SLC35D4: variants seen among roughly 807,000 people sequenced by gnomAD.
The protein encoded by SLC35D4 is solute carrier family 35 member D4, also known as UDP-N-acetylglucosamine transporter SLC35D4.
chr18:23,379,965 C>T, the SLC35D4 span, among the ~76,000 whole-genome samples: 57 of 152,090 alleles, frequency 3.7e-4, no homozygotes, highest in Non-Finnish European at 6.9e-4. Context: ...GGTGTGGTGG[C>T]GCACACCTGT....
the SLC35D4 span, among the ~76,000 whole-genome samples, chr18:23,312,513 C>T: frequency 1.3e-5 from 2 of 152,220 alleles, no homozygotes; most frequent in Non-Finnish European, 2.9e-5. Flanking sequence ...TGTGCTGCTG[C>T]CTGAGACCCT....
At chr18:23,247,827 A>G in the SLC35D4 span, among the ~76,000 whole-genome samples, 1 of 152,228 alleles carries the variant, frequency 6.6e-6, no homozygotes, top group African/African-American at 2.4e-5. Flanking sequence ...TGTCACCTAG[A>G]AGATGACTGG....
At chr18:23,403,237 C>T in the SLC35D4 span, among the ~76,000 whole-genome samples, 1 of 152,198 alleles carries the variant, frequency 6.6e-6, no homozygotes, top group South Asian at 2.1e-4. Flanking sequence ...CCCTCAAATA[C>T]ACTGTGTCAC....
At chr18:23,383,633 A>G in the SLC35D4 span, among the ~76,000 whole-genome samples, 1 of 152,014 alleles carries the variant, frequency 6.6e-6, no homozygotes, top group Admixed American at 6.6e-5. Flanking sequence ...GCAGAGTGGG[A>G]GGTGCACGGG....
the SLC35D4 span, among the ~76,000 whole-genome samples, chr18:23,340,357 A>C: frequency 2.0e-5 from 3 of 151,994 alleles, no homozygotes; most frequent in African/African-American, 7.3e-5. Context: ...AATCAAGTAT[A>C]TCTTAAAACC....
At chr18:23,302,816 G>A in the SLC35D4 span, among the ~76,000 whole-genome samples, 2 of 152,192 alleles carry the variant, frequency 1.3e-5, no homozygotes, top group East Asian at 3.9e-4. Context: ...ACACGCCAAC[G>A]TGAAGAGGCA....
At chr18:23,250,254 C>G in the SLC35D4 span, among the ~76,000 whole-genome samples, 1 of 152,202 alleles carries the variant, frequency 6.6e-6, no homozygotes, top group African/African-American at 2.4e-5. Flanking sequence ...TTACTTGAGC[C>G]TGCTCACATC....
the SLC35D4 span, among the ~76,000 whole-genome samples, chr18:23,354,718 G>C: frequency 6.6e-5 from 10 of 152,262 alleles, 1 homozygote; most frequent in South Asian, 2.1e-3. Context: ...TCTAGCCACA[G>C]GGGTGGCATG....
the SLC35D4 span, among the ~76,000 whole-genome samples, chr18:23,386,192 G>A: frequency 6.6e-6 from 1 of 151,626 alleles, no homozygotes; most frequent in Non-Finnish European, 1.5e-5. Flanking sequence ...TCCAATCCCT[G>A]GAACCTGTAA....
the SLC35D4 span, among the ~76,000 whole-genome samples, chr18:23,398,806 A>C: frequency 6.6e-6 from 1 of 152,160 alleles, no homozygotes; most frequent in Non-Finnish European, 1.5e-5. Flanking sequence ...AAAAGACTAA[A>C]ATGTTTTGCA....
the SLC35D4 span, among the ~76,000 whole-genome samples, chr18:23,411,749 C>G: frequency 1.3e-5 from 2 of 149,508 alleles, no homozygotes; most frequent in African/African-American, 4.8e-5. Flanking sequence ...ACTCTGTCAT[C>G]CCTAAGAACC....
the SLC35D4 span, among the ~76,000 whole-genome samples, chr18:23,325,825 AG>A: frequency 6.6e-6 from 1 of 152,144 alleles, no homozygotes; most frequent in East Asian, 1.9e-4. Context: ...GCTGCTGGCA[AG>A]GGCCCCCCCA....
At chr18:23,430,636 G>T in the SLC35D4 span, 1 of 1,610,638 alleles carries the variant, frequency 6.2e-7, no homozygotes, top group Non-Finnish European at 8.5e-7. Context: ...CTCACCCTTG[G>T]AATAATGTAG....
the SLC35D4 span, among the ~76,000 whole-genome samples, chr18:23,382,821 T>C: frequency 6.6e-6 from 1 of 152,210 alleles, no homozygotes; most frequent in Non-Finnish European, 1.5e-5. Flanking sequence ...AAATGACAAC[T>C]GTCTAAGCCC....
chr18:23,343,948 G>A, the SLC35D4 span, among the ~76,000 whole-genome samples: 2 of 151,398 alleles, frequency 1.3e-5, no homozygotes, highest in African/African-American at 4.9e-5. Flanking sequence ...GCCCAGACTG[G>A]AGTGCAATGG....
chr18:23,332,658 C>G, the SLC35D4 span, among the ~76,000 whole-genome samples: 1 of 151,678 alleles, frequency 6.6e-6, no homozygotes, highest in Non-Finnish European at 1.5e-5. Context: ...TCAGGACTGA[C>G]TTTTTTTTCC....
At chr18:23,297,844 A>G in the SLC35D4 span, 1 of 767,126 alleles carries the variant, frequency 1.3e-6, no homozygotes, top group Non-Finnish European at 2.1e-6. Context: ...CCACCACCAC[A>G]TTCACTTGGG....
the SLC35D4 span, among the ~76,000 whole-genome samples, chr18:23,350,713 C>T: frequency 6.6e-6 from 1 of 152,212 alleles, no homozygotes; most frequent in Admixed American, 6.5e-5. Context: ...TGTTCATGCA[C>T]CACCGAGTTG....
At chr18:23,330,977 G>A in the SLC35D4 span, 1 of 152,124 alleles carries the variant, frequency 6.6e-6, no homozygotes, top group Non-Finnish European at 1.5e-5. Flanking sequence ...CAACTAGCGA[G>A]ACCCCATCTC....
Sources: gnomAD v4.1 joint callset for allele counts (sites outside exome capture counted in the v4.1 genomes callset) on GRCh38, gnomAD v4.1.1 for gene constraint, MANE v1.5 for transcripts, NCBI Gene and HGNC (gene_info 2026-07-23, HGNC 2026-07-21) for gene names.